Variants in GPR158 observed in about 807,000 individuals in gnomAD.
GPR158 encodes G protein-coupled receptor 158, also known as metabotropic glycine receptor.
In GPR158, 30 loss-of-function variants were observed where a neutral mutation model predicts 78.2. That is an observed-to-expected ratio of 0.38 (90% CI 0.29 to 0.52). The LOEUF (loss-of-function observed/expected upper bound fraction) is 0.52, where lower values mean the gene tolerates loss of function less well. Among genes scored for constraint, GPR158 ranks in the 20% least tolerant of loss-of-function variants. The probability of loss-of-function intolerance (pLI) is 0.83; values close to 1 mark genes in which losing one functional copy is unlikely to be tolerated. For synonymous variants in GPR158, 581 were observed against 591.1 expected, an observed-to-expected ratio of 0.98 and a Z score of 0.25; for missense variants, 1,463 against 1,523.5, an observed-to-expected ratio of 0.96 and a Z score of 0.66.
chr10:25,306,588 C>T (rs764451026), intron 2 of GPR158, among the ~76,000 whole-genome samples: 1 of 152,172 alleles, frequency 6.6e-6, no homozygotes, highest in Non-Finnish European at 1.5e-5. Flanking sequence ...CAGACATACA[C>T]ACATACTTCT....
intron 2 of GPR158, among the ~76,000 whole-genome samples, chr10:25,374,935 A>G (rs1218751894): frequency 6.6e-6 from 1 of 151,732 alleles, no homozygotes; most frequent in Non-Finnish European, 1.5e-5. Context: ...TGTCACATGG[A>G]AAGTGCAAGT....
intron 2 of GPR158, among the ~76,000 whole-genome samples, chr10:25,326,109 C>A (rs928608516): frequency 2.6e-5 from 4 of 152,120 alleles, no homozygotes; most frequent in South Asian, 2.1e-4. Flanking sequence ...TCTCCCTCCC[C>A]CTAACAGGCT....
At chr10:25,301,774 T>C (rs531292119) in intron 2 of GPR158, among the ~76,000 whole-genome samples, 1 of 152,280 alleles carries the variant, frequency 6.6e-6, no homozygotes, top group South Asian at 2.1e-4. Flanking sequence ...ATGAAATACA[T>C]ATTAAGGTCA....
In GPR158 at chr10:25,598,095, C is replaced by T. The variant is rs370087506; in HGVS notation, c.2469C>T (p.His823=). The change falls in exon 11 of 11, where the codon CAC becomes CAT. Residue 823 remains histidine, a synonymous_variant. Transcript: ENST00000376351. ...AGAAATCCCACAGCACTTATGACCA[C>T]GTGAGAGACCAAACGGAAGAGTCCA... ...SLKKSHSTYD[H]VRDQTEESSS... is the part of the protein sequence containing the mutation. 5.0e-5 allele frequency: 80 copies of T among 1,614,000 alleles called. No individual in the cohort carries two copies. In the South Asian group the frequency reaches 6.0e-4, roughly 12 times the overall value.
In GPR158 at chr10:25,485,231, A is replaced by AT. The variant is rs754016582; in HGVS notation, c.1404+18521dup. ...AAGTACACTGAAAATGGTTGCAAGT[A>AT]TTTTTTTTTAATGAGAAGTAGATGA... is the stretch of plus-strand genomic sequence containing the variant. On this transcript the variant is annotated intron_variant, in intron 5 of 10. Transcript: ENST00000376351. 1.2e-3 allele frequency among the ~76,000 whole-genome samples: 185 copies of AT among 151,048 alleles called. 1 individual carries two copies. Among genetic ancestry groups the AT allele is most frequent in the South Asian group, 8.8e-3 (42 of 4,794 alleles).
chr10:25,512,013 C>T (rs111297486), intron 5 of GPR158, among the ~76,000 whole-genome samples: 3 of 151,918 alleles, frequency 2.0e-5, no homozygotes, highest in African/African-American at 4.8e-5. Context: ...TTTGGTTATG[C>T]GGGCTCTTTT....
chr10:25,225,958 A>G (rs1853367284), intron 2 of GPR158, among the ~76,000 whole-genome samples: 1 of 152,192 alleles, frequency 6.6e-6, no homozygotes, highest in Non-Finnish European at 1.5e-5. Context: ...TACCAAATGT[A>G]ACTTACTCAT....
At chr10:25,411,624 G>A (rs1310015684) in intron 3 of GPR158, among the ~76,000 whole-genome samples, 2 of 152,008 alleles carry the variant, frequency 1.3e-5, no homozygotes, top group Non-Finnish European at 2.9e-5. Context: ...CAGTTGGTGA[G>A]TGGTAGATAA....
intron 3 of GPR158, among the ~76,000 whole-genome samples, chr10:25,402,505 T>C (rs1319846865): frequency 6.6e-6 from 1 of 152,100 alleles, no homozygotes; most frequent in Middle Eastern, 3.2e-3. Context: ...TGTGCAAGGA[T>C]GCCCTTTTCA....
chr10:25,582,455 G>GA (rs1328839954), intron 7 of GPR158, among the ~76,000 whole-genome samples: 1 of 152,230 alleles, frequency 6.6e-6, no homozygotes, highest in Non-Finnish European at 1.5e-5. Flanking sequence ...GGAAAATAAG[G>GA]AAAAAATATC....
intron 2 of GPR158, among the ~76,000 whole-genome samples, chr10:25,330,449 T>C (rs1855102432): frequency 6.6e-6 from 1 of 152,156 alleles, no homozygotes; most frequent in Non-Finnish European, 1.5e-5. Context: ...GCTCTTTGGA[T>C]AGTTTATTAA....
Position 25,344,666 on chromosome 10 carries a change from G to A in GPR158, c.1009-51245G>A, listed in dbSNP as rs185414133. Among the ~76,000 whole-genome samples, 506 of 152,096 alleles carry A rather than the reference G, an allele frequency of 3.3e-3. 3 individuals carry two copies. Among genetic ancestry groups the A allele is most frequent in the African/African-American group, 0.011 (467 of 41,528 alleles). On this transcript the variant is annotated intron_variant, in intron 2 of 10. Transcript: ENST00000376351. ...CCCAGAAACTCCAGTGTTATTCATA[G>A]TTATTATATTCAAGTAATGCAGCTG...
rs149363555 is a variant in GPR158 at position 25,507,901 on chromosome 10, G to C, written c.1404+41182G>C. On this transcript the variant is annotated intron_variant, in intron 5 of 10. Transcript: ENST00000376351. ...CTAAGGAAGAACCTACAATACTAAA[G>C]TTATATTCCATAAAATGTAGCCATA... Among the ~76,000 whole-genome samples, 314 of 152,180 alleles carry C rather than the reference G, an allele frequency of 2.1e-3. 1 individual carries two copies. The highest frequency in any genetic ancestry group is 3.5e-3 in the Non-Finnish European group (236 of 68,020).
intron 6 of GPR158, among the ~76,000 whole-genome samples, chr10:25,562,142 A>C (rs900210119): frequency 3.9e-5 from 6 of 152,100 alleles, no homozygotes; most frequent in African/African-American, 1.4e-4. Flanking sequence ...TATTTACATA[A>C]AGTCAGTAGA....
rs759773577 is a variant in GPR158, at chr10:25,209,096, G to A, written c.903-11956G>A. Among the ~76,000 whole-genome samples the A allele has an allele frequency of 4.6e-5, 7 of 151,846 alleles. No homozygotes were observed. The South Asian group carries it at 6.2e-4, about 14-fold the overall frequency. ...GTCTTGAACTCCTGACCTCTGATCC[G>A]CCCACCTCAGCCTCCCAAAGTGCTG... On this transcript the variant is annotated intron_variant, in intron 1 of 10. Coordinates refer to ENST00000376351, the MANE Select transcript of GPR158 (RefSeq NM_020752.3).
chr10:25,372,091 A>C (rs1834002581), intron 2 of GPR158, among the ~76,000 whole-genome samples: 2 of 51,996 alleles, frequency 3.8e-5, no homozygotes, highest in African/African-American at 1.7e-4. Flanking sequence ...ATGCAGCCAA[A>C]AAACACATGA....
chr10:25,504,418 C>G (rs1021623911), intron 5 of GPR158, among the ~76,000 whole-genome samples: 1 of 152,174 alleles, frequency 6.6e-6, no homozygotes, highest in African/African-American at 2.4e-5. Context: ...TGAGCCCTGT[C>G]TCACAAGAAT....
chr10:25,434,172 C>G (rs1834965359), intron 4 of GPR158, among the ~76,000 whole-genome samples: 2 of 151,942 alleles, frequency 1.3e-5, no homozygotes, highest in South Asian at 4.2e-4. Flanking sequence ...AAAAAACAAA[C>G]AAACAAACAA....
intron 2 of GPR158, among the ~76,000 whole-genome samples, chr10:25,387,005 T>G (rs916085843): frequency 6.6e-6 from 1 of 152,204 alleles, no homozygotes; most frequent in Non-Finnish European, 1.5e-5. Flanking sequence ...GGACTTACAG[T>G]ACTATGTTTC....
Sources: gnomAD v4.1 joint callset for allele counts (sites outside exome capture counted in the v4.1 genomes callset) on GRCh38, gnomAD v4.1.1 for gene constraint, MANE v1.5 for transcripts, NCBI Gene and HGNC (gene_info 2026-07-23, HGNC 2026-07-21) for gene names.